ERMARD: variants seen among roughly 807,000 people sequenced by gnomAD.
ERMARD encodes the protein endoplasmic reticulum membrane-associated RNA degradation protein.
ERMARD carries 71 observed loss-of-function variants against 83.9 expected under a neutral mutation model. That is an observed-to-expected ratio of 0.85 (90% CI 0.70 to 1.03). The LOEUF (loss-of-function observed/expected upper bound fraction) is 1.03, where lower values mean the gene tolerates loss of function less well. Among genes scored for constraint, ERMARD ranks in the 50% least tolerant of loss-of-function variants. The pLI is 0.00. For synonymous variants in ERMARD, 284 were observed against 298.6 expected (o/e 0.95, Z 0.50); for missense variants, 838 against 810.9 (o/e 1.03, Z -0.41).
chr6:169,773,438 T>C, intron 13 of ERMARD, 36 bp downstream of exon 13: 1 of 1,600,146 alleles, frequency 6.2e-7, no homozygotes, highest in Non-Finnish European at 8.6e-7. Flanking sequence ...GGGGCGTGTA[T>C]GTCTCTGAAA....
In ERMARD at chr6:169,759,927, G is replaced by A. The variant is rs770400276; in HGVS notation, c.695G>A (p.Arg232His). The A allele has an allele frequency of 2.0e-5, 32 of 1,614,036 alleles. No individual in the cohort carries two copies. Among genetic ancestry groups the A allele is most frequent in the East Asian group, 4.5e-5 (2 of 44,894 alleles). The change falls in exon 7 of 18, where the codon CGC becomes CAC. Residue 232 changes from arginine to histidine, a missense_variant. Coordinates refer to ENST00000366773, the MANE Select transcript of ERMARD (RefSeq NM_018341.3). ...AACACTAAACTTACATTGGCACATCGCTCTTTCATATCTCTTACAAACCTC... is the reference window on the plus strand; with the variant it reads ...AACACTAAACTTACATTGGCACATCACTCTTTCATATCTCTTACAAACCTC... ...LQNTKLTLAHRSFISLTNLED... is the reference protein window; with the variant it reads ...LQNTKLTLAHHSFISLTNLED...
At chr6:169,762,375 T>C (rs1335398311) in intron 8 of ERMARD, 54 bp from the exon 9 acceptor site, 2 of 1,526,144 alleles carry the variant, frequency 1.3e-6, no homozygotes, top group African/African-American at 2.8e-5. Context: ...GCACCTGGCC[T>C]AATATTTATT....
chr6:169,756,371 C>T lies in ERMARD; in HGVS notation c.349C>T (p.Leu117=), dbSNP rs1393372924. ...TGAAATATTTGATGCCTTGGAAAGT[C>T]TACAATCTCCTGCTATTTCTCTTAG... The part of the protein sequence containing the change: ...FPEIFDALES[L]QSPAISLSLM... The change falls in exon 4 of 18, where the codon CTA becomes TTA. Residue 117 remains leucine (L), a synonymous_variant. Coordinates refer to ENST00000366773, the MANE Select transcript of ERMARD (RefSeq NM_018341.3). 1 of 1,611,204 alleles carries T rather than the reference C, an allele frequency of 6.2e-7. No homozygotes were observed. Among genetic ancestry groups the T allele is most frequent in the African/African-American group, 1.3e-5 (1 of 74,834 alleles).
intron 17 of ERMARD, among the ~76,000 whole-genome samples, 167 bp downstream of exon 17, chr6:169,779,462 A>G (rs2128369318): frequency 6.6e-6 from 1 of 152,164 alleles, no homozygotes; most frequent in South Asian, 2.1e-4. Context: ...TCCCACATCC[A>G]AATGTCTCAA....
chr6:169,763,583 G>A (rs547985170), intron 9 of ERMARD, among the ~76,000 whole-genome samples: 31 of 152,362 alleles, frequency 2.0e-4, no homozygotes, highest in African/African-American at 7.0e-4. Context: ...GGGAGGGCAG[G>A]TGCAGCCGCT....
chr6:169,754,684 CATCTT>C (rs1790571061), intron 2 of ERMARD, among the ~76,000 whole-genome samples: 1 of 152,016 alleles, frequency 6.6e-6, no homozygotes, highest in Admixed American at 6.6e-5. Flanking sequence ...TGAGGAGGCT[CATCTT>C]ATACAGAAGT....
rs9478006 is a variant in ERMARD, at chr6:169,762,419, A to C, written c.858-10A>C. The C allele has an allele frequency of 0.15, 243,282 of 1,609,132 alleles. 20,804 individuals are homozygous for C. The highest frequency in any genetic ancestry group is 0.36 in the African/African-American group (26,749 of 74,730). On this transcript the variant is annotated splice_polypyrimidine_tract_variant and intron_variant, in intron 8 of 17. Coordinates refer to ENST00000366773, the MANE Select transcript of ERMARD (RefSeq NM_018341.3). Reference sequence around the variant, plus strand: ...GTGGAGTTTTACCTCTTTTCCCTTCAATTTCATAGGTTTGCTGACTGCGCC... The same window carrying C: ...GTGGAGTTTTACCTCTTTTCCCTTCCATTTCATAGGTTTGCTGACTGCGCC...
chr6:169,767,428 T>C (rs955268786), intron 10 of ERMARD: 1 of 152,476 alleles, frequency 6.6e-6, no homozygotes, highest in Non-Finnish European at 1.5e-5. Flanking sequence ...AAGTCCATGG[T>C]GAGTTAAGAA....
chr6:169,772,829 A>G (rs1273442729), intron 12 of ERMARD, among the ~76,000 whole-genome samples: 3 of 151,356 alleles, frequency 2.0e-5, no homozygotes, highest in African/African-American at 7.3e-5. Flanking sequence ...TTTGTCAGCT[A>G]TCAATTCACT....
In ERMARD at chr6:169,781,423, T is replaced by TA. The variant is rs759899082; in HGVS notation, c.1948dup (p.Thr650AsnfsTer10). 6.2e-7 allele frequency: 1 copy of TA among 1,613,152 alleles called. No homozygotes were observed. The highest frequency in any genetic ancestry group is 1.7e-5 in the Admixed American group (1 of 59,928). ...GGAATGAAACTATCAATCTTACACATACAGCTTTGTTGAAAATGTGGACTT... is the reference window on the plus strand; with the variant it reads ...GGAATGAAACTATCAATCTTACACATAACAGCTTTGTTGAAAATGTGGACTT... On this transcript the variant is annotated frameshift_variant, in exon 18 of 18. Transcript: ENST00000366773. LOFTEE classifies it low-confidence loss of function (END_TRUNC).
At chr6:169,766,867 A>C (rs1051015699) in intron 10 of ERMARD, 200 bp downstream of exon 10, 3 of 472,386 alleles carry the variant, frequency 6.4e-6, no homozygotes, top group Non-Finnish European at 1.1e-5. Flanking sequence ...TCTAGCTCCC[A>C]AAGCTATCCA....
In ERMARD at chr6:169,759,057, T is replaced by G; in HGVS notation, c.597T>G (p.Ile199Met). ...ATGGGTTTGCGTCACCTGAAGAAAT[T>G]CCTCCAAAGTAAGTTGCAAGTGAAG... is the stretch of plus-strand genomic sequence containing the variant. ...LWHGFASPEE[I>M]PPKYCSMMIL... is the part of the protein sequence containing the mutation. The change falls in exon 6 of 18, where the codon ATT becomes ATG. Residue 199 changes from isoleucine (I) to methionine (M), a missense_variant. Coordinates refer to ENST00000366773, the MANE Select transcript of ERMARD (RefSeq NM_018341.3). The G allele has an allele frequency of 6.2e-7, 1 of 1,613,672 alleles. No individual in the cohort carries two copies. The highest frequency in any genetic ancestry group is 1.1e-5 in the South Asian group (1 of 90,912).
At chr6:169,770,037 T>C (rs1359369572) in intron 12 of ERMARD, among the ~76,000 whole-genome samples, 3 of 152,244 alleles carry the variant, frequency 2.0e-5, no homozygotes, top group Non-Finnish European at 4.4e-5. Flanking sequence ...TTACAGATAT[T>C]TGCTAAATCG....
Position 169,776,477 on chromosome 6 carries a change from C to T in ERMARD, c.1543C>T (p.Leu515Phe). The T allele has an allele frequency of 6.2e-7, 1 of 1,614,044 alleles. No individual in the cohort carries two copies. The highest frequency in any genetic ancestry group is 8.5e-7 in the Non-Finnish European group (1 of 1,180,000). Reference sequence around the variant, plus strand: ...CAGGTGGCCCCAGCTTCTCCGTGAGCTCTGCAGCACACCTGTTCCCACCCT... The same window carrying T: ...CAGGTGGCCCCAGCTTCTCCGTGAGTTCTGCAGCACACCTGTTCCCACCCT... ...TETWPQLLRELCSTPVPTLFC... is the reference protein window; with the variant it reads ...TETWPQLLREFCSTPVPTLFC... The change falls in exon 16 of 18, where the codon CTC (leucine) becomes TTC (phenylalanine). Residue 515 changes from leucine (L) to phenylalanine (F), a missense_variant. Physicochemically the swap from Leu to Phe is conservative, Grantham distance 22 (BLOSUM62 0). Transcript: ENST00000366773.
At chr6:169,769,422 C>A (rs554816583) in intron 11 of ERMARD, 118 bp from the exon 12 acceptor site, 629 of 918,526 alleles carry the variant, frequency 6.8e-4, no homozygotes, top group Non-Finnish European at 6.1e-4. Flanking sequence ...CCAGCAGAGT[C>A]CCACCCAGGG....
chr6:169,768,704 T>C (rs1287848340), intron 11 of ERMARD, among the ~76,000 whole-genome samples: 1 of 152,168 alleles, frequency 6.6e-6, no homozygotes, highest in Non-Finnish European at 1.5e-5. Context: ...AGGCAGAGGT[T>C]GCAGTGAGCT....
chr6:169,772,493 CAG>C (rs1347081642), intron 12 of ERMARD, among the ~76,000 whole-genome samples: 11 of 152,130 alleles, frequency 7.2e-5, no homozygotes, highest in African/African-American at 2.7e-4. Context: ...GGGCCAGGCA[CAG>C]TGGCTCACGC....
At chr6:169,757,322 C>T (rs1383172894) in intron 5 of ERMARD, among the ~76,000 whole-genome samples, 2 of 152,130 alleles carry the variant, frequency 1.3e-5, no homozygotes, top group African/African-American at 4.8e-5. Context: ...TCAAAATTGC[C>T]CCTCCTCCAG....
chr6:169,756,296 G>C, intron 3 of ERMARD, 42 bp from the exon 4 acceptor site: 1 of 1,261,562 alleles, frequency 7.9e-7, no homozygotes, highest in Non-Finnish European at 1.1e-6. Context: ...TTGAGAAGTA[G>C]TTTCAGAGTG....
Sources: gnomAD v4.1 joint callset for allele counts (sites outside exome capture counted in the v4.1 genomes callset) on GRCh38, gnomAD v4.1.1 for gene constraint, MANE v1.5 for transcripts, NCBI Gene and HGNC (gene_info 2026-07-23, HGNC 2026-07-21) for gene names.